Variants in ARB2A observed in about 807,000 individuals in gnomAD.
ARB2A encodes the protein cotranscriptional regulator ARB2A.
At chr5:93,874,728 A>C in the ARB2A span, among the ~76,000 whole-genome samples, 3 of 152,142 alleles carry the variant, frequency 2.0e-5, no homozygotes, top group Non-Finnish European at 4.4e-5. Flanking sequence ...TGGTGTCTGA[A>C]ACAGGGGCAG....
the ARB2A span, among the ~76,000 whole-genome samples, chr5:94,048,051 CTTT>C: frequency 2.1e-5 from 2 of 96,078 alleles, no homozygotes; most frequent in African/African-American, 4.0e-5. Flanking sequence ...AATCGGTAAG[CTTT>C]TTTTTTTTTT....
the ARB2A span, chr5:93,736,471 T>TA: frequency 6.6e-6 from 1 of 152,220 alleles, no homozygotes; most frequent in Non-Finnish European, 1.5e-5. Flanking sequence ...TGTTGTGGAC[T>TA]ATGGAAGATC....
the ARB2A span, among the ~76,000 whole-genome samples, chr5:93,903,115 T>G: frequency 2.6e-5 from 4 of 152,098 alleles, no homozygotes; most frequent in African/African-American, 9.7e-5. Context: ...TCCTGGCAAT[T>G]TTGACATAGA....
At chr5:93,745,712 G>C in the ARB2A span, among the ~76,000 whole-genome samples, 1 of 151,864 alleles carries the variant, frequency 6.6e-6, no homozygotes, top group African/African-American at 2.4e-5. Flanking sequence ...TAAAGCAACA[G>C]AGCTGACCAG....
chr5:94,009,954 C>T, the ARB2A span, among the ~76,000 whole-genome samples: 5 of 150,158 alleles, frequency 3.3e-5, no homozygotes, highest in East Asian at 7.8e-4. Context: ...GTCTGGCTAG[C>T]GGCTTTATCA....
At chr5:93,694,658 T>G in the ARB2A span, among the ~76,000 whole-genome samples, 1 of 152,216 alleles carries the variant, frequency 6.6e-6, no homozygotes. Flanking sequence ...AAGCTATCAC[T>G]GACTTTCTTC....
chr5:93,778,774 A>C, the ARB2A span, among the ~76,000 whole-genome samples: 2 of 152,186 alleles, frequency 1.3e-5, no homozygotes. Context: ...TCTAGTATTA[A>C]TATAAGTGAT....
chr5:93,636,463 G>A, the ARB2A span, among the ~76,000 whole-genome samples: 2 of 152,120 alleles, frequency 1.3e-5, no homozygotes, highest in Non-Finnish European at 2.9e-5. Context: ...CCCTTATAAA[G>A]GTCACCCCAG....
the ARB2A span, among the ~76,000 whole-genome samples, chr5:94,028,627 T>G: frequency 0.014 from 2,180 of 152,308 alleles, 57 homozygotes; most frequent in African/African-American, 0.049. Flanking sequence ...TCTTAATATT[T>G]AATTTTGAAA....
At chr5:93,964,091 AG>A in the ARB2A span, among the ~76,000 whole-genome samples, 2 of 152,050 alleles carry the variant, frequency 1.3e-5, no homozygotes, top group Non-Finnish European at 2.9e-5. Context: ...ATATTTAAAG[AG>A]ATAGTGAATG....
chr5:93,879,219 A>G, the ARB2A span, among the ~76,000 whole-genome samples: 1 of 151,990 alleles, frequency 6.6e-6, no homozygotes, highest in African/African-American at 2.4e-5. Context: ...CACAAAATGA[A>G]CCGTTCTTCT....
At chr5:93,803,618 T>G in the ARB2A span, among the ~76,000 whole-genome samples, 1 of 151,436 alleles carries the variant, frequency 6.6e-6, no homozygotes, top group African/African-American at 2.4e-5. Context: ...GGTACTAGGC[T>G]TAAGACCTTG....
chr5:93,678,480 G>A, the ARB2A span, among the ~76,000 whole-genome samples: 327 of 152,362 alleles, frequency 2.1e-3, no homozygotes, highest in African/African-American at 7.5e-3. Flanking sequence ...ATGTGGCCGA[G>A]TGCGGTGGCT....
At chr5:93,715,366 C>A in the ARB2A span, among the ~76,000 whole-genome samples, 8 of 152,182 alleles carry the variant, frequency 5.3e-5, no homozygotes, top group Admixed American at 1.3e-4. Context: ...CTGATGCAGT[C>A]CCCTTAAGTC....
chr5:93,763,517 C>G, the ARB2A span, among the ~76,000 whole-genome samples: 1 of 152,146 alleles, frequency 6.6e-6, no homozygotes, highest in Admixed American at 6.5e-5. Flanking sequence ...TATATATGCA[C>G]CGAATACAGG....
At chr5:93,951,092 AC>A in the ARB2A span, among the ~76,000 whole-genome samples, 1 of 152,162 alleles carries the variant, frequency 6.6e-6, no homozygotes, top group Non-Finnish European at 1.5e-5. Context: ...GACGTTGGGC[AC>A]CTTATCATAT....
chr5:93,909,980 T>G, the ARB2A span, among the ~76,000 whole-genome samples: 1 of 151,058 alleles, frequency 6.6e-6, no homozygotes, highest in East Asian at 1.9e-4. Flanking sequence ...ACTATAGGAA[T>G]TATAAAAAAA....
the ARB2A span, among the ~76,000 whole-genome samples, chr5:93,930,725 A>T: frequency 1.3e-5 from 2 of 152,208 alleles, no homozygotes; most frequent in African/African-American, 2.4e-5. Context: ...ATTTATTTAA[A>T]ATAAATTTCA....
At chr5:94,071,286 A>C in the ARB2A span, among the ~76,000 whole-genome samples, 1 of 152,114 alleles carries the variant, frequency 6.6e-6, no homozygotes, top group Non-Finnish European at 1.5e-5. Context: ...ATATAAAACA[A>C]AACTTTTAGA....
Sources: allele counts gnomAD v4.1 joint callset (sites outside exome capture counted in the v4.1 genomes callset), GRCh38; gene constraint gnomAD v4.1.1; transcripts MANE v1.5; gene names NCBI Gene and HGNC (gene_info 2026-07-23, HGNC 2026-07-21).